The following CACNA1B variants were observed in gnomAD, a reference collection of about 807,000 sequenced individuals.
CACNA1B encodes the protein calcium voltage-gated channel subunit alpha1 B.
A neutral mutation model predicts 247.2 loss-of-function variants in CACNA1B; 70 were observed. That is an observed-to-expected ratio of 0.28 (90% confidence interval 0.23 to 0.35). The LOEUF (loss-of-function observed/expected upper bound fraction) is 0.35, where lower values mean the gene tolerates loss of function less well. CACNA1B is among the 10% of genes least tolerant of loss of function. The pLI, the probability that CACNA1B is intolerant of heterozygous loss-of-function variation, is 1.00. For missense variants in CACNA1B, 2,367 were observed against 3,197.4 expected (o/e 0.74, Z 6.26); for synonymous variants, 1,231 against 1,294.4 (o/e 0.95, Z 1.05).
intron 36 of CACNA1B, among the ~76,000 whole-genome samples, chr9:138,078,771 A>T (rs957970743): frequency 6.6e-6 from 1 of 152,202 alleles, no homozygotes; most frequent in Non-Finnish European, 1.5e-5. Flanking sequence ...ACTGGGGGCA[A>T]CAGTGGCCTG....
intron 12 of CACNA1B, among the ~76,000 whole-genome samples, chr9:137,981,975 A>G (rs1030405950): frequency 3.3e-5 from 5 of 152,244 alleles, no homozygotes; most frequent in East Asian, 3.9e-4. Context: ...TGTGCTGCTC[A>G]GTGTCCATCC....
At chr9:138,089,003 A>G (rs1203193492) in intron 36 of CACNA1B, among the ~76,000 whole-genome samples, 1 of 149,068 alleles carries the variant, frequency 6.7e-6, no homozygotes, top group Non-Finnish European at 1.5e-5. Context: ...AATCCCATCA[A>G]AGAAAAGCCC....
At position 138,005,860 on chromosome 9, in the gene CACNA1B, G is replaced by A. The variant is rs185811762; in HGVS notation, c.1975-907G>A. ...AGATGGAGACCATCCTGGCTAATGC[G>A]GTGAAACCCCGTCTCTACTAAAAAT... On this transcript the variant is annotated intron_variant, in intron 15 of 46. Coordinates refer to ENST00000371372, the MANE Select transcript of CACNA1B (RefSeq NM_000718.4). Among the ~76,000 whole-genome samples, 242 of 152,162 alleles carry A rather than the reference G, an allele frequency of 1.6e-3. 1 individual carries two copies. Among genetic ancestry groups the A allele is most frequent in the African/African-American group, 5.0e-3 (207 of 41,524 alleles).
At chr9:137,981,258 A>G (rs1164904071) in intron 12 of CACNA1B, among the ~76,000 whole-genome samples, 1 of 152,098 alleles carries the variant, frequency 6.6e-6, no homozygotes. Flanking sequence ...ATTTTTTTCC[A>G]TATCTTTGCT....
rs1204877711 is a variant in CACNA1B at position 138,015,961 on chromosome 9, C to T, written c.2267+2726C>T. On this transcript the variant is annotated intron_variant, in intron 18 of 46. Transcript: ENST00000371372. ...ACTCACAAATACATATAGGCAAGCA[C>T]ACACACAGGCACACAGACTCACATA... Among the ~76,000 whole-genome samples the T allele has an allele frequency of 2.0e-4, 30 of 152,186 alleles. No individual in the cohort carries two copies. In the Middle Eastern group the frequency reaches 0.01, roughly 52 times the overall value.
At chr9:137,908,072 C>A (rs1957317316) in intron 3 of CACNA1B, among the ~76,000 whole-genome samples, 1 of 152,218 alleles carries the variant, frequency 6.6e-6, no homozygotes, top group Non-Finnish European at 1.5e-5. Context: ...TTTAGCTTAA[C>A]AGTAAGTCTT....
intron 3 of CACNA1B, among the ~76,000 whole-genome samples, chr9:137,910,966 T>C (rs1418190167): frequency 2.0e-5 from 3 of 152,236 alleles, no homozygotes; most frequent in Non-Finnish European, 2.9e-5. Context: ...CCAAATCCAA[T>C]GTTATGAATA....
chr9:138,103,517 C>G (rs1365957926), intron 38 of CACNA1B, among the ~76,000 whole-genome samples: 1 of 152,078 alleles, frequency 6.6e-6, no homozygotes, highest in East Asian at 1.9e-4. Flanking sequence ...GGGGGTAAAT[C>G]GAGGGATGCC....
chr9:138,019,983 G>GC (rs1958823111), intron 18 of CACNA1B, among the ~76,000 whole-genome samples: 1 of 151,604 alleles, frequency 6.6e-6, no homozygotes, highest in Non-Finnish European at 1.5e-5. Context: ...TGTAGTCCCA[G>GC]CTACTCGGTA....
At chr9:138,080,358 C>T (rs762019447) in intron 36 of CACNA1B, among the ~76,000 whole-genome samples, 4 of 152,006 alleles carry the variant, frequency 2.6e-5, no homozygotes, top group Non-Finnish European at 4.4e-5. Context: ...GAAAAGTAGG[C>T]GATGTGAGCA....
intron 5 of CACNA1B, among the ~76,000 whole-genome samples, chr9:137,915,624 A>T (rs574860292): frequency 7.4e-5 from 11 of 149,324 alleles, no homozygotes; most frequent in Middle Eastern, 3.5e-3. Context: ...TCGTGATTTT[A>T]AAAAAAAAAC....
intron 6 of CACNA1B, among the ~76,000 whole-genome samples, chr9:137,930,695 G>C (rs1206115644): frequency 6.6e-6 from 1 of 152,088 alleles, no homozygotes; most frequent in Non-Finnish European, 1.5e-5. Flanking sequence ...GAAGTCTCCA[G>C]CTTTAATTGC....
intron 6 of CACNA1B, among the ~76,000 whole-genome samples, chr9:137,940,728 T>A (rs1329700827): frequency 3.9e-5 from 6 of 152,182 alleles, no homozygotes; most frequent in Non-Finnish European, 8.8e-5. Context: ...CATGATCACA[T>A]GGTTTTCATA....
At chr9:137,940,790 AC>A (rs1957724839) in intron 6 of CACNA1B, among the ~76,000 whole-genome samples, 1 of 152,244 alleles carries the variant, frequency 6.6e-6, no homozygotes, top group Non-Finnish European at 1.5e-5. Context: ...GTGATACACC[AC>A]ATAAACAATT....
At chr9:138,046,797 T>G (rs1959189337) in intron 21 of CACNA1B, 107 bp from the exon 22 acceptor site, 11 of 1,080,812 alleles carry the variant, frequency 1.0e-5, no homozygotes, top group Non-Finnish European at 1.5e-5. Context: ...CACAGCTTCC[T>G]GAGGCAGCCC....
chr9:137,914,769 G>C lies in CACNA1B; in HGVS notation c.738G>C (p.Met246Ile). Residue 246 changes from methionine to isoleucine, a missense_variant, in exon 5 of 47, where the codon ATG becomes ATC. Physicochemically the swap from Met to Ile is conservative, Grantham distance 10 (BLOSUM62 1). This residue lies in a region of CACNA1B where 130 missense variants were observed against 338.7 expected (regional missense o/e 0.38). Coordinates refer to ENST00000371372, the MANE Select transcript of CACNA1B (RefSeq NM_000718.4). The surrounding 1 kb of genome is among the most constrained non-coding windows in gnomAD (Gnocchi z 4.3). ...CCATCATTGGCCTGGAGTTCTACAT[G>C]GGCAAGTTCCACAAGGCCTGTTTCC... Reference protein sequence around the residue: ...MFAIIGLEFYMGKFHKACFPN... With the variant: ...MFAIIGLEFYIGKFHKACFPN... 1 of 1,613,940 alleles carries C rather than the reference G, an allele frequency of 6.2e-7. No individual in the cohort carries two copies. Among genetic ancestry groups the C allele is most frequent in the Non-Finnish European group, 8.5e-7 (1 of 1,179,878 alleles).
At chr9:137,959,079 A>T (rs1957981736) in intron 10 of CACNA1B, among the ~76,000 whole-genome samples, 1 of 151,278 alleles carries the variant, frequency 6.6e-6, no homozygotes, top group Non-Finnish European at 1.5e-5. Context: ...TATTTAATTA[A>T]TTTTTTTTTG....
chr9:138,007,973 T>C lies in CACNA1B; in HGVS notation c.2092+1089T>C, dbSNP rs1347164354. 1.3e-5 allele frequency among the ~76,000 whole-genome samples: 2 copies of C among 152,184 alleles called. No homozygotes were observed. Among genetic ancestry groups the C allele is most frequent in the Non-Finnish European group, 2.9e-5 (2 of 68,026 alleles). ...ATTCCTTGCTCCACCTCTCCTAGGC[T>C]GGCCCAGCAGGGGCTCCCTCTCTCA... On this transcript the variant is annotated intron_variant, in intron 16 of 46. Transcript: ENST00000371372. This position sits in a 1 kb window ranked among gnomAD's most constrained non-coding sequence, Gnocchi z 4.1.
intron 18 of CACNA1B, among the ~76,000 whole-genome samples, 173 bp from the exon 19 acceptor site, chr9:138,022,838 C>A (rs900517393): frequency 5.3e-5 from 8 of 150,930 alleles, no homozygotes; most frequent in Non-Finnish European, 1.0e-4. Context: ...GAATTCGGTT[C>A]CCTTGGGCGT....
Sources: gnomAD v4.1 joint callset for allele counts (sites outside exome capture counted in the v4.1 genomes callset) on GRCh38, gnomAD v4.1.1 for gene constraint, gnomAD v4.1.1 regional missense constraint, Gnocchi (gnomAD v3.1) non-coding constraint, MANE v1.5 for transcripts, NCBI Gene and HGNC (gene_info 2026-07-23, HGNC 2026-07-21) for gene names.